The following SLC39A11 variants were observed in gnomAD, a reference collection of about 807,000 sequenced individuals.
SLC39A11 encodes the protein zinc transporter ZIP11.
A neutral mutation model predicts 36.1 loss-of-function variants in SLC39A11; 33 were observed. That is an observed-to-expected ratio of 0.91 (90% CI 0.69 to 1.22). SLC39A11 has a LOEUF of 1.22. SLC39A11 is among the 50% of genes most tolerant of loss of function. SLC39A11 has a pLI of 0.00. For synonymous variants in SLC39A11, 166 were observed against 170.3 expected (o/e 0.97, Z 0.20); for missense variants, 432 against 430.3 (o/e 1.00, Z -0.03).
chr17:73,042,974 A>G (rs1465112202), intron 3 of SLC39A11, among the ~76,000 whole-genome samples: 2 of 152,214 alleles, frequency 1.3e-5, no homozygotes, highest in African/African-American at 4.8e-5. Flanking sequence ...AGGGGGTTGC[A>G]AGAGAGGAAG....
intron 4 of SLC39A11, among the ~76,000 whole-genome samples, chr17:72,974,503 AT>A (rs1355292497): frequency 6.6e-6 from 1 of 152,170 alleles, no homozygotes; most frequent in East Asian, 1.9e-4. Flanking sequence ...CAGAACAAAG[AT>A]ATCAAACAAG....
At chr17:73,069,108 G>A (rs1054932638) in intron 3 of SLC39A11, among the ~76,000 whole-genome samples, 14 of 151,930 alleles carry the variant, frequency 9.2e-5, no homozygotes, top group Admixed American at 1.3e-4. Context: ...TGCCTGTAAC[G>A]CATTTCCTTC....
At chr17:72,669,913 T>C (rs1468980537) in intron 7 of SLC39A11, among the ~76,000 whole-genome samples, 2 of 150,482 alleles carry the variant, frequency 1.3e-5, no homozygotes, top group East Asian at 2.0e-4. Context: ...TATATACGTA[T>C]AGATGTATAT....
At chr17:73,052,380 C>T (rs1392528718) in intron 3 of SLC39A11, among the ~76,000 whole-genome samples, 1 of 150,400 alleles carries the variant, frequency 6.6e-6, no homozygotes, top group Admixed American at 6.6e-5. Flanking sequence ...CAACCGAAAA[C>T]ACTTTGCTCT....
At chr17:72,821,674 T>C (rs980153713) in intron 6 of SLC39A11, 4 of 151,026 alleles carry the variant, frequency 2.6e-5, no homozygotes, top group Non-Finnish European at 5.9e-5. Flanking sequence ...AAGGAATGAA[T>C]TTAAAAGATC....
intron 3 of SLC39A11, among the ~76,000 whole-genome samples, chr17:73,043,218 G>A (rs767313421): frequency 8.5e-5 from 13 of 152,182 alleles, no homozygotes; most frequent in Non-Finnish European, 1.8e-4. Flanking sequence ...TTCTAGCTGG[G>A]AAGCGCAGAG....
rs377430182 is a variant in SLC39A11 at position 72,789,179 on chromosome 17, C to T, written c.602-52460G>A. ...CCTCCAGAGCAGCTGAGACTACACG[C>T]GCACGCCACCATGTCCGGCTAATTT... On this transcript the variant is annotated intron_variant, in intron 6 of 9. Coordinates refer to ENST00000255559, the MANE Select transcript of SLC39A11 (RefSeq NM_139177.4). 7.4e-4 allele frequency among the ~76,000 whole-genome samples: 113 copies of T among 152,184 alleles called. 2 individuals are homozygous for T. In the South Asian group the frequency reaches 0.021, roughly 29 times the overall value.
intron 6 of SLC39A11, among the ~76,000 whole-genome samples, chr17:72,826,621 A>G (rs1404133591): frequency 6.6e-6 from 1 of 152,220 alleles, no homozygotes; most frequent in Non-Finnish European, 1.5e-5. Context: ...ATAATTATGC[A>G]TATCACAGGA....
chr17:72,934,772 G>A (rs929539981), intron 5 of SLC39A11, among the ~76,000 whole-genome samples: 1 of 152,212 alleles, frequency 6.6e-6, no homozygotes, highest in African/African-American at 2.4e-5. Flanking sequence ...ATGAGCACAT[G>A]AAAAGATGCT....
At chr17:72,747,551 C>T (rs1042040317) in intron 6 of SLC39A11, among the ~76,000 whole-genome samples, 10 of 152,186 alleles carry the variant, frequency 6.6e-5, no homozygotes, top group African/African-American at 1.9e-4. Flanking sequence ...AGCAACGTCA[C>T]GTAACACTGC....
chr17:72,900,172 A>G (rs1348034774), intron 5 of SLC39A11, among the ~76,000 whole-genome samples: 1 of 135,688 alleles, frequency 7.4e-6, no homozygotes, highest in African/African-American at 3.0e-5. Context: ...AAAGAAAGAA[A>G]GAAAGAAAGA....
At chr17:73,021,696 G>A (rs796625741) in intron 4 of SLC39A11, among the ~76,000 whole-genome samples, 10 of 152,082 alleles carry the variant, frequency 6.6e-5, no homozygotes, top group African/African-American at 1.9e-4. Flanking sequence ...ATGCTTCCAC[G>A]GTGGCTTCTG....
chr17:72,901,447 T>C (rs1598346057), intron 5 of SLC39A11, among the ~76,000 whole-genome samples: 1 of 152,184 alleles, frequency 6.6e-6, no homozygotes, highest in Admixed American at 6.5e-5. Flanking sequence ...ATCAGGTGTG[T>C]CCTGTCTCCG....
Position 72,981,897 on chromosome 17 carries a change from G to C in SLC39A11, c.307-34022C>G, listed in dbSNP as rs1348071867. On this transcript the variant is annotated intron_variant, in intron 4 of 9. Transcript: ENST00000255559. ...GAAAGACACAGACACTTCACAGAAA[G>C]GGAAATACAAACAGCTTTGAAACAC... Among the ~76,000 whole-genome samples the C allele has an allele frequency of 3.3e-5, 5 of 152,230 alleles. No homozygotes were observed. In the East Asian group the frequency reaches 9.7e-4, roughly 29 times the overall value.
intron 5 of SLC39A11, among the ~76,000 whole-genome samples, chr17:72,900,024 G>GAGAGAGAGAGAGAGAA (rs2082249063): frequency 7.3e-6 from 1 of 136,924 alleles, no homozygotes; most frequent in Non-Finnish European, 1.5e-5. Flanking sequence ...GAGAGAAAGA[G>GAGAGAGAGAGAGAGAA]AGAGAGAGAG....
intron 7 of SLC39A11, among the ~76,000 whole-genome samples, chr17:72,660,497 G>T (rs944995624): frequency 6.6e-6 from 1 of 152,182 alleles, no homozygotes; most frequent in African/African-American, 2.4e-5. Flanking sequence ...GCTGGGAAGT[G>T]ACAGAGCAGG....
At chr17:73,054,660 T>C (rs1428687744) in intron 3 of SLC39A11, among the ~76,000 whole-genome samples, 1 of 151,768 alleles carries the variant, frequency 6.6e-6, no homozygotes, top group Non-Finnish European at 1.5e-5. Context: ...ACACAAAAAT[T>C]AGTCAGGTAT....
chr17:72,701,204 C>T (rs762664425), intron 7 of SLC39A11, among the ~76,000 whole-genome samples: 3 of 152,216 alleles, frequency 2.0e-5, no homozygotes, highest in East Asian at 1.9e-4. Flanking sequence ...CAATGCCTTC[C>T]AGGAGGTTAA....
chr17:72,669,990 G>A (rs1298665820), intron 7 of SLC39A11, among the ~76,000 whole-genome samples: 10 of 100,144 alleles, frequency 1.0e-4, no homozygotes, highest in South Asian at 3.8e-4. Flanking sequence ...ACATATATAC[G>A]TATAGATGTA....
Sources: allele counts gnomAD v4.1 joint callset (sites outside exome capture counted in the v4.1 genomes callset), GRCh38; gene constraint gnomAD v4.1.1; transcripts MANE v1.5; gene names NCBI Gene and HGNC (gene_info 2026-07-23, HGNC 2026-07-21).